Variants in PDE4D observed in about 807,000 individuals in gnomAD.
PDE4D encodes phosphodiesterase 4D, also known as 3',5'-cyclic-AMP phosphodiesterase 4D.
In PDE4D, 24 loss-of-function variants were observed where a neutral mutation model predicts 87.4. The ratio of observed to expected loss-of-function variants is 0.27; its 90% CI spans 0.20 to 0.39. PDE4D has a LOEUF of 0.39. PDE4D is among the 10% of genes least tolerant of loss of function. The probability of loss-of-function intolerance (pLI) is 1.00; values close to 1 mark genes in which losing one functional copy is unlikely to be tolerated. For missense variants in PDE4D, 714 were observed against 1,041.0 expected (o/e 0.69, Z 4.32); for synonymous variants, 384 against 383.2 (o/e 1.00, Z -0.02).
chr5:60,231,691 A>G (rs1321321749), intron 1 of PDE4D, among the ~76,000 whole-genome samples: 1 of 151,982 alleles, frequency 6.6e-6, no homozygotes, highest in Admixed American at 6.6e-5. Flanking sequence ...AATTATTCAA[A>G]TAAGACAGTT....
Position 58,975,890 on chromosome 5 carries a change from AAAAAAAAC to A in PDE4D, c.1831-59_1831-52del. On this transcript the variant is annotated intron_variant, in intron 13 of 14. Coordinates refer to ENST00000340635, the MANE Select transcript of PDE4D (RefSeq NM_001104631.2). This position sits in a 1 kb window ranked among gnomAD's most constrained non-coding sequence, Gnocchi z 4.2. ...TTCACTCCTGTTCCTTTTTTTTAAA[AAAAAAAAC>A]AAAAAAAACTAGAAATTCACATTGG... 4 of 1,238,510 alleles carry A rather than the reference AAAAAAAAC, an allele frequency of 3.2e-6. No homozygotes were observed. Among genetic ancestry groups the A allele is most frequent in the Admixed American group, 2.9e-5 (1 of 34,912 alleles). 76.7% of individuals were successfully genotyped at this position (1,238,510 alleles called of 1,614,324 possible). A position where few individuals can be genotyped will look rare whatever the true frequency, so the allele number is the denominator to read the frequency against.
At chr5:60,133,630 A>G (rs2149403017) in intron 2 of PDE4D, among the ~76,000 whole-genome samples, 1 of 152,356 alleles carries the variant, frequency 6.6e-6, no homozygotes, top group South Asian at 2.1e-4. Context: ...GCTAGCTAAT[A>G]TTAATTAGTG....
intron 1 of PDE4D, among the ~76,000 whole-genome samples, chr5:59,526,591 C>T (rs1813180739): frequency 6.6e-6 from 1 of 152,170 alleles, no homozygotes; most frequent in South Asian, 2.1e-4. Flanking sequence ...TGTTGATCAA[C>T]ATTTAAAATA....
At chr5:59,181,543 G>GAGATATATATAT (rs5868165) in intron 4 of PDE4D, among the ~76,000 whole-genome samples, 6 of 118,944 alleles carry the variant, frequency 5.0e-5, no homozygotes, top group African/African-American at 1.5e-4. Flanking sequence ...AAAGATGTCT[G>GAGATATATATAT]ATATATATAT....
At chr5:59,407,299 T>A (rs995734551) in intron 1 of PDE4D, among the ~76,000 whole-genome samples, 2 of 152,174 alleles carry the variant, frequency 1.3e-5, no homozygotes, top group East Asian at 3.8e-4. Context: ...CCACCATGAT[T>A]GAAAGCTCCC....
chr5:60,010,884 C>T (rs1764960433), intron 2 of PDE4D, among the ~76,000 whole-genome samples: 3 of 152,108 alleles, frequency 2.0e-5, no homozygotes, highest in Non-Finnish European at 4.4e-5. Context: ...CAAACTAAAA[C>T]CTCTTAATAA....
intron 1 of PDE4D, among the ~76,000 whole-genome samples, chr5:59,791,857 C>T (rs1165373984): frequency 6.6e-6 from 1 of 152,182 alleles, no homozygotes; most frequent in African/African-American, 2.4e-5. Flanking sequence ...CTCTCACTTT[C>T]TCTCCTCATA....
rs1561348081 is a variant in PDE4D, at chr5:59,031,389, ATATTATATATATATATATATATATAT to A, written c.921+7444_921+7469del. Among the ~76,000 whole-genome samples, 148 of 49,502 alleles carry A rather than the reference ATATTATATATATATATATATATATAT, an allele frequency of 3.0e-3. 2 individuals carry two copies. Among genetic ancestry groups the A allele is most frequent in the South Asian group, 0.017 (23 of 1,378 alleles). 32.5% of individuals were successfully genotyped at this position (49,502 alleles called of 152,430 possible). A position where few individuals can be genotyped will look rare whatever the true frequency, so the allele number is the denominator to read the frequency against. On this transcript the variant is annotated intron_variant, in intron 6 of 14. Transcript: ENST00000340635. Reference sequence around the variant, plus strand: ...TATATATATATATATATATATATATATATTATATATATATATATATATATATAGATTATACAGGCCGGGCGCAGTGG... The same window carrying A: ...TATATATATATATATATATATATATAAGATTATACAGGCCGGGCGCAGTGG...
At chr5:58,995,335 T>C (rs1375683983) in intron 6 of PDE4D, among the ~76,000 whole-genome samples, 1 of 152,176 alleles carries the variant, frequency 6.6e-6, no homozygotes, top group Non-Finnish European at 1.5e-5. Context: ...TGTGAATACA[T>C]ATTTTTAAAA....
chr5:60,076,547 G>A lies in PDE4D; in HGVS notation c.43-87830C>T, dbSNP rs1316209432. Among the ~76,000 whole-genome samples, 3 of 152,136 alleles carry A rather than the reference G, an allele frequency of 2.0e-5. No homozygotes were observed. The South Asian group carries it at 6.2e-4, about 32-fold the overall frequency. ...TGGGTGTTTCATGGTGGTATAAGGTGGGTTCAGTTGACTGGCTCAATTTCT... is the reference window on the plus strand; with the variant it reads ...TGGGTGTTTCATGGTGGTATAAGGTAGGTTCAGTTGACTGGCTCAATTTCT... On this transcript the variant is annotated intron_variant, in intron 2 of 16. Transcript: ENST00000502484.
intron 1 of PDE4D, among the ~76,000 whole-genome samples, chr5:59,788,438 T>C (rs1343068898): frequency 6.6e-6 from 1 of 152,218 alleles, no homozygotes; most frequent in Admixed American, 6.5e-5. Flanking sequence ...GATGAATCTC[T>C]GGATCCTGGG....
At chr5:59,283,841 G>T (rs1766322296) in intron 1 of PDE4D, among the ~76,000 whole-genome samples, 1 of 152,112 alleles carries the variant, frequency 6.6e-6, no homozygotes. Context: ...TAACACATTT[G>T]CAGTATATGG....
intron 1 of PDE4D, among the ~76,000 whole-genome samples, chr5:59,530,999 G>A (rs2153679476): frequency 6.6e-6 from 1 of 152,262 alleles, no homozygotes; most frequent in Non-Finnish European, 1.5e-5. Context: ...TGAATACGGT[G>A]TATTGAATTT....
chr5:60,323,881 T>C (rs187148315), intron 1 of PDE4D, among the ~76,000 whole-genome samples: 86 of 150,260 alleles, frequency 5.7e-4, no homozygotes, highest in Non-Finnish European at 1.2e-4. Flanking sequence ...TCCCATTCTT[T>C]ACCTAGTTAA....
At chr5:59,768,458 G>T (rs772312302) in intron 1 of PDE4D, 4 of 1,598,378 alleles carry the variant, frequency 2.5e-6, no homozygotes, top group Admixed American at 3.3e-5. Context: ...GGACAATGCG[G>T]ATTATCCACT....
chr5:60,194,114 C>A (rs987435184), intron 1 of PDE4D, among the ~76,000 whole-genome samples: 4 of 151,552 alleles, frequency 2.6e-5, no homozygotes, highest in Non-Finnish European at 5.9e-5. Context: ...AGATATCATT[C>A]TCTTTCTCTT....
intron 1 of PDE4D, among the ~76,000 whole-genome samples, chr5:60,204,469 G>A (rs1254325346): frequency 6.6e-6 from 1 of 152,170 alleles, no homozygotes; most frequent in East Asian, 1.9e-4. Flanking sequence ...GCAGATATTT[G>A]TTGAGTGGCA....
In PDE4D at chr5:59,020,705, T is replaced by C. The variant is rs7712922; in HGVS notation, c.921+18154A>G. ...TAAACAATAAAAGGAAAGAGACTTCTCTTAAGCAGAACAAAGTCCGACTCC... is the reference window on the plus strand; with the variant it reads ...TAAACAATAAAAGGAAAGAGACTTCCCTTAAGCAGAACAAAGTCCGACTCC... On this transcript the variant is annotated intron_variant, in intron 6 of 14. Coordinates refer to ENST00000340635, the MANE Select transcript of PDE4D (RefSeq NM_001104631.2). Among the ~76,000 whole-genome samples, 1,294 of 152,130 alleles carry C rather than the reference T, an allele frequency of 8.5e-3. 20 individuals carry two copies. Among genetic ancestry groups the C allele is most frequent in the African/African-American group, 0.029 (1,219 of 41,506 alleles).
chr5:59,798,865 A>G (rs1222073701), intron 1 of PDE4D, among the ~76,000 whole-genome samples: 2 of 152,188 alleles, frequency 1.3e-5, no homozygotes, highest in Non-Finnish European at 2.9e-5. Context: ...TGGAAAAAAG[A>G]GATGATGACA....
Sources: allele counts gnomAD v4.1 joint callset (sites outside exome capture counted in the v4.1 genomes callset), GRCh38; gene constraint gnomAD v4.1.1; non-coding constraint Gnocchi (gnomAD v3.1); transcripts MANE v1.5; gene names NCBI Gene and HGNC (gene_info 2026-07-23, HGNC 2026-07-21).